NPAS3: variants seen among roughly 807,000 people sequenced by gnomAD.
NPAS3 encodes the protein neuronal PAS domain protein 3, also known as neuronal PAS domain-containing protein 3.
NPAS3 carries 14 observed loss-of-function variants against 73.1 expected under a neutral mutation model. The ratio of observed to expected loss-of-function variants is 0.19; its 90% CI spans 0.13 to 0.30. The LOEUF is 0.30. NPAS3 is among the 10% of genes least tolerant of loss of function. The pLI, the probability that NPAS3 is intolerant of heterozygous loss-of-function variation, is 1.00. For synonymous variants in NPAS3, 620 were observed against 541.5 expected (o/e 1.14, Z -2.01); for missense variants, 1,096 against 1,250.0 (o/e 0.88, Z 1.86).
At chr14:33,218,271 A>C (rs887569946) in intron 3 of NPAS3, among the ~76,000 whole-genome samples, 2 of 152,208 alleles carry the variant, frequency 1.3e-5, no homozygotes, top group Non-Finnish European at 2.9e-5. Flanking sequence ...GTGATAGGTT[A>C]GAAATAATGA....
Position 33,544,816 on chromosome 14 carries a change from A to G in NPAS3, c.469-15305A>G, listed in dbSNP as rs1451472244. Among the ~76,000 whole-genome samples, 96 of 106,232 alleles carry G rather than the reference A, an allele frequency of 9.0e-4. 3 individuals are homozygous for G. The highest frequency in any genetic ancestry group is 4.5e-3 in the African/African-American group (89 of 19,890). 69.7% of individuals were successfully genotyped at this position (106,232 alleles called of 152,430 possible). ...TATATATATATATATATATATGTAT[A>G]TATAATATATATGTGTATATATATA... On this transcript the variant is annotated intron_variant, in intron 4 of 11. Coordinates refer to ENST00000356141, the Ensembl canonical transcript of NPAS3.
intron 4 of NPAS3, among the ~76,000 whole-genome samples, chr14:33,540,107 A>G (rs190704324): frequency 5.3e-5 from 8 of 152,308 alleles, no homozygotes; most frequent in Admixed American, 2.0e-4. Flanking sequence ...CTTTGTGTCA[A>G]TGTGAACATT....
At chr14:32,947,522 A>AT in intron 1 of NPAS3, among the ~76,000 whole-genome samples, 1 of 152,204 alleles carries the variant, frequency 6.6e-6, no homozygotes, top group African/African-American at 2.4e-5. Context: ...AGGTATATGA[A>AT]TTTTTTTAAT....
rs140707251 is a variant in NPAS3 at position 33,252,506 on chromosome 14, C to A, written c.385+37080C>A. Among the ~76,000 whole-genome samples, 4 of 151,714 alleles carry A rather than the reference C, an allele frequency of 2.6e-5. No individual in the cohort carries two copies. The East Asian group carries it at 7.8e-4, about 29-fold the overall frequency. On this transcript the variant is annotated intron_variant, in intron 3 of 11. Coordinates refer to ENST00000356141, the Ensembl canonical transcript of NPAS3. ...TTAATAATTTAATATGCAAAATAAC[C>A]CCATGATGTAGTGGTTATTCTTTTA...
intron 1 of NPAS3, among the ~76,000 whole-genome samples, chr14:33,017,910 A>G (rs1387602423): frequency 6.6e-6 from 1 of 152,230 alleles, no homozygotes; most frequent in Non-Finnish European, 1.5e-5. Flanking sequence ...TGTAAAGTTC[A>G]TAACATTTGT....
chr14:33,001,328 C>T (rs1316617219), intron 1 of NPAS3, among the ~76,000 whole-genome samples: 1 of 152,184 alleles, frequency 6.6e-6, no homozygotes, highest in African/African-American at 2.4e-5. Flanking sequence ...GTGTCCCCAC[C>T]TCCATGCAAG....
chr14:33,798,359 A>T (rs1397324500), intron 11 of NPAS3, among the ~76,000 whole-genome samples: 2 of 152,184 alleles, frequency 1.3e-5, no homozygotes, highest in East Asian at 3.8e-4. Flanking sequence ...GCCAGGGAGC[A>T]CTAAACTTGT....
At chr14:33,638,157 A>T (rs1470065094) in intron 5 of NPAS3, among the ~76,000 whole-genome samples, 2 of 152,260 alleles carry the variant, frequency 1.3e-5, no homozygotes, top group Admixed American at 6.5e-5. Context: ...ACCAAGCACT[A>T]GTGACTGTTT....
chr14:33,620,439 CTCTT>C (rs931314676), intron 5 of NPAS3, among the ~76,000 whole-genome samples: 17 of 152,128 alleles, frequency 1.1e-4, no homozygotes, highest in African/African-American at 3.6e-4. Flanking sequence ...AAAAGAAAAA[CTCTT>C]TATTTGAAAA....
intron 3 of NPAS3, among the ~76,000 whole-genome samples, chr14:33,259,285 C>A (rs547609861): frequency 2.5e-4 from 38 of 152,116 alleles, no homozygotes; most frequent in Non-Finnish European, 5.4e-4. Flanking sequence ...CTCCTTCCGT[C>A]CATTTTATTT....
chr14:33,618,004 C>T (rs2057971504), intron 5 of NPAS3, among the ~76,000 whole-genome samples: 1 of 152,182 alleles, frequency 6.6e-6, no homozygotes, highest in South Asian at 2.1e-4. Flanking sequence ...GTGCATGAGA[C>T]ACAGCGGGGA....
chr14:33,128,546 G>T (rs2043518353), intron 2 of NPAS3, among the ~76,000 whole-genome samples: 1 of 152,222 alleles, frequency 6.6e-6, no homozygotes, highest in East Asian at 1.9e-4. Flanking sequence ...GTGAAATTAT[G>T]ACTTTTGTGC....
intron 6 of NPAS3, among the ~76,000 whole-genome samples, chr14:33,691,757 T>G (rs1258185491): frequency 6.6e-6 from 1 of 152,190 alleles, no homozygotes; most frequent in Non-Finnish European, 1.5e-5. Context: ...CTTCCTTGGG[T>G]TCTGTAGAAT....
chr14:33,088,406 G>A (rs769090781), intron 2 of NPAS3, among the ~76,000 whole-genome samples: 23 of 152,210 alleles, frequency 1.5e-4, no homozygotes, highest in African/African-American at 3.6e-4. Context: ...TGCCTGGCTC[G>A]GAGGGTCCCA....
downstream of NPAS3, chr14:33,803,848 C>T (rs1208578320): frequency 6.6e-6 from 1 of 151,802 alleles, no homozygotes; most frequent in East Asian, 1.9e-4. Context: ...ATATTCTGTT[C>T]GTAAAAATCT....
chr14:33,529,913 A>G (rs1003103039), intron 4 of NPAS3, among the ~76,000 whole-genome samples: 9 of 152,190 alleles, frequency 5.9e-5, no homozygotes, highest in Non-Finnish European at 1.3e-4. Context: ...ACTAATATGA[A>G]AGTTGCAACT....
intron 3 of NPAS3, among the ~76,000 whole-genome samples, chr14:33,220,896 C>G (rs1240571404): frequency 6.6e-6 from 1 of 152,168 alleles, no homozygotes; most frequent in Non-Finnish European, 1.5e-5. Context: ...TTGAAGAAAG[C>G]ATATTTTTGA....
chr14:33,302,968 G>A (rs1275788579), intron 3 of NPAS3, among the ~76,000 whole-genome samples: 1 of 150,900 alleles, frequency 6.6e-6, no homozygotes, highest in Non-Finnish European at 1.5e-5. Flanking sequence ...CAAAAAAGCT[G>A]TTAGCATTTG....
chr14:33,000,826 A>G lies in NPAS3; in HGVS notation c.51-55079A>G, dbSNP rs571763224. On this transcript the variant is annotated intron_variant, in intron 1 of 11. Coordinates refer to ENST00000356141, the Ensembl canonical transcript of NPAS3. Reference sequence around the variant, plus strand: ...CAGAAACTGTTTTAATACAGGATGTAAAACTTATGCAAAAATATTAAGGCC... The same window carrying G: ...CAGAAACTGTTTTAATACAGGATGTGAAACTTATGCAAAAATATTAAGGCC... Among the ~76,000 whole-genome samples the G allele has an allele frequency of 1.1e-4, 16 of 152,362 alleles. No homozygotes were observed. The East Asian group carries it at 2.7e-3, about 26-fold the overall frequency.
Sources: gnomAD v4.1 joint callset for allele counts (sites outside exome capture counted in the v4.1 genomes callset) on GRCh38, gnomAD v4.1.1 for gene constraint, MANE v1.5 for transcripts, NCBI Gene and HGNC (gene_info 2026-07-23, HGNC 2026-07-21) for gene names.